The following CIRBP variants were observed in gnomAD, a reference collection of about 807,000 sequenced individuals.
CIRBP encodes the protein cold inducible RNA binding protein.
A neutral mutation model predicts 22.3 loss-of-function variants in CIRBP; 11 were observed. That is an observed-to-expected ratio of 0.49 (90% confidence interval 0.31 to 0.82). CIRBP has a LOEUF of 0.82. CIRBP is among the 40% of genes least tolerant of loss of function. The probability of loss-of-function intolerance (pLI) is 0.05; values close to 1 mark genes in which losing one functional copy is unlikely to be tolerated. For missense variants in CIRBP, 456 were observed against 402.7 expected (o/e 1.13, Z -1.13); for synonymous variants, 216 against 158.8 (o/e 1.36, Z -2.71).
chr19:1,272,285 A>T lies in CIRBP; in HGVS notation c.736A>T (p.Met246Leu), dbSNP rs776065124. 6.8e-6 allele frequency: 11 copies of T among 1,612,918 alleles called. No homozygotes were observed. Among genetic ancestry groups the T allele is most frequent in the African/African-American group, 1.3e-5 (1 of 74,942 alleles). Residue 246 changes from methionine to leucine, a missense_variant, in exon 6 of 6, where the codon ATG becomes TTG. By Grantham distance (15) the Met-to-Leu change is conservative. Transcript: ENST00000587896. The stretch of plus-strand genomic sequence containing the variant: ...GCCCGCTGGGCAGTCAGCTAGGTGC[A>T]TGTGTGGCCGCAGGCCAGCCTCCCT... ...RGPAGQSARC[M>L]CGRRPASLGC...
Position 1,272,317 on chromosome 19 carries a change from T to TG in CIRBP, c.774dup (p.Trp259ValfsTer65), listed in dbSNP as rs745659807. The TG allele has an allele frequency of 3.6e-5, 58 of 1,613,566 alleles. No individual in the cohort carries two copies. The highest frequency in any genetic ancestry group is 4.7e-5 in the Non-Finnish European group (55 of 1,179,912). On this transcript the variant is annotated frameshift_variant, in exon 6 of 6. Transcript: ENST00000587896. LOFTEE classifies it low-confidence loss of function (END_TRUNC). ...GCCGCAGGCCAGCCTCCCTCGGCTG[T>TG]GGGGGGTGGTTGCTCCCCGGCCGCA...
Position 1,274,486 on chromosome 19 carries a change from C to A in CIRBP, c.*2043C>A. ...TGGCATGTGGCGCTGAGCCCTGTCC[C>A]GGGCGGCACCTGGGCGTTTCAGTGA... On this transcript the variant is annotated 3_prime_UTR_variant, in exon 6 of 6. Coordinates refer to ENST00000587896, the MANE Select transcript of CIRBP (RefSeq NM_001300829.2). 1 of 392,158 alleles carries A rather than the reference C, an allele frequency of 2.5e-6. No homozygotes were observed. The highest frequency in any genetic ancestry group is 3.3e-4 in the Middle Eastern group (1 of 3,070). 24.3% of individuals were successfully genotyped at this position (392,158 alleles called of 1,614,324 possible).
chr19:1,270,066 C>A (rs368485627), intron 1 of CIRBP: 4 of 519,770 alleles, frequency 7.7e-6, no homozygotes, highest in South Asian at 4.2e-5. Context: ...GCACTGACCG[C>A]CCCCTTAAAT....
In CIRBP at chr19:1,273,269, G is replaced by C. The variant is rs553230465; in HGVS notation, c.*826G>C. On this transcript the variant is annotated 3_prime_UTR_variant, in exon 6 of 6. Coordinates refer to ENST00000587896, the MANE Select transcript of CIRBP (RefSeq NM_001300829.2). ...AGAGAGAGAAGGTGGAGAAGCAGCG[G>C]GTCTGCAAGCCTTCCCTGGGGCCTG... The C allele has an allele frequency of 1.3e-5, 2 of 152,430 alleles. No individual in the cohort carries two copies. The highest frequency in any genetic ancestry group is 4.8e-5 in the African/African-American group (2 of 41,566). The allele number at this position is 152,430 out of a possible 1,614,324, so 9.4% of individuals were successfully genotyped here.
At chr19:1,270,813 A>C in intron 1 of CIRBP, 115 bp from the exon 2 acceptor site, 2 of 796,316 alleles carry the variant, frequency 2.5e-6, no homozygotes. Context: ...GAAAAATAAA[A>C]ATCTGATTTT....
rs1450273932 is a variant in CIRBP, at chr19:1,274,332, G to A, written c.*1889G>A. 1 of 401,304 alleles carries A rather than the reference G, an allele frequency of 2.5e-6. No individual in the cohort carries two copies. The highest frequency in any genetic ancestry group is 4.4e-6 in the Non-Finnish European group (1 of 226,394). The allele number at this position is 401,304 out of a possible 1,614,324, so 24.9% of individuals were successfully genotyped here. A position where few individuals can be genotyped will look rare whatever the true frequency, so the allele number is the denominator to read the frequency against. ...GTTGAAGGGGCCCGGCCAGGACTCG[G>A]GGAAGGGTGGCCTGAGAGCAGCGAT... is the stretch of plus-strand genomic sequence containing the variant. On this transcript the variant is annotated 3_prime_UTR_variant, in exon 6 of 6. Coordinates refer to ENST00000587896, the MANE Select transcript of CIRBP (RefSeq NM_001300829.2).
rs758275192 is a variant in CIRBP, at chr19:1,272,615, C to T, written c.*172C>T. 4.9e-5 allele frequency: 29 copies of T among 594,678 alleles called. No homozygotes were observed. The highest frequency in any genetic ancestry group is 7.7e-5 in the Non-Finnish European group (26 of 337,764). The allele number at this position is 594,678 out of a possible 1,614,324, so 36.8% of individuals were successfully genotyped here. A position where few individuals can be genotyped will look rare whatever the true frequency, so the allele number is the denominator to read the frequency against. On this transcript the variant is annotated 3_prime_UTR_variant, in exon 6 of 6. Coordinates refer to ENST00000587896, the MANE Select transcript of CIRBP (RefSeq NM_001300829.2). ...TGACCGCTTCTGACGCCGGGATGGC[C>T]TCGTTACTAGACTTTTCTTTTTAAG... is the stretch of plus-strand genomic sequence containing the variant.
At chr19:1,270,756 G>GC in intron 1 of CIRBP, 172 bp from the exon 2 acceptor site, 1 of 602,336 alleles carries the variant, frequency 1.7e-6, no homozygotes, top group African/African-American at 1.9e-5. Flanking sequence ...TAGACACACT[G>GC]CCCCCGACCC....
intron 2 of CIRBP, 49 bp downstream of exon 2, chr19:1,271,085 C>T (rs1203678742): frequency 1.9e-6 from 3 of 1,610,846 alleles, no homozygotes; most frequent in Non-Finnish European, 2.5e-6. Flanking sequence ...GCTTGTGCTC[C>T]TCCTACCTGG....
At position 1,272,750 on chromosome 19, in the gene CIRBP, TTTTG is replaced by T. The variant is rs201257833; in HGVS notation, c.*311_*314del. The T allele has an allele frequency of 5.5e-3, 1,478 of 269,720 alleles. 23 individuals are homozygous for T. Among genetic ancestry groups the T allele is most frequent in the African/African-American group, 0.031 (1,381 of 45,202 alleles). The allele number at this position is 269,720 out of a possible 1,614,324, so 16.7% of individuals were successfully genotyped here. On this transcript the variant is annotated 3_prime_UTR_variant, in exon 6 of 6. Coordinates refer to ENST00000587896, the MANE Select transcript of CIRBP (RefSeq NM_001300829.2). ...ATCGGGGGTTGTGTGGGTTTTTGGT[TTTTG>T]TTTTAGTTTTTGGTTGCGTTGCCTT...
intron 1 of CIRBP, chr19:1,270,283 G>C (rs1473414838): frequency 2.7e-6 from 1 of 365,378 alleles, no homozygotes; most frequent in Non-Finnish European, 5.5e-6. Flanking sequence ...AGCACGTTCT[G>C]GTCCAGCAAC....
chr19:1,272,618 G>C lies in CIRBP; in HGVS notation c.*175G>C. On this transcript the variant is annotated 3_prime_UTR_variant, in exon 6 of 6. Coordinates refer to ENST00000587896, the MANE Select transcript of CIRBP (RefSeq NM_001300829.2). ...CCGCTTCTGACGCCGGGATGGCCTC[G>C]TTACTAGACTTTTCTTTTTAAGGAA... 1.9e-6 allele frequency: 1 copy of C among 527,062 alleles called. No individual in the cohort carries two copies. Among genetic ancestry groups the C allele is most frequent in the Non-Finnish European group, 3.4e-6 (1 of 295,958 alleles). The allele number at this position is 527,062 out of a possible 1,614,324, so 32.6% of individuals were successfully genotyped here. A position where few individuals can be genotyped will look rare whatever the true frequency, so the allele number is the denominator to read the frequency against.
In CIRBP at chr19:1,274,002, G is replaced by A. The variant is rs1157041286; in HGVS notation, c.*1559G>A. On this transcript the variant is annotated 3_prime_UTR_variant, in exon 6 of 6. Transcript: ENST00000587896. ...TTTTGGATTTTTTGCTCAATTGACC[G>A]TCTTTTCCAGACCTCTTTAAGTCAC... 4 of 268,054 alleles carry A rather than the reference G, an allele frequency of 1.5e-5. No homozygotes were observed. The highest frequency in any genetic ancestry group is 2.8e-5 in the Non-Finnish European group (4 of 143,570). 16.6% of individuals were successfully genotyped at this position (268,054 alleles called of 1,614,324 possible). A position where few individuals can be genotyped will look rare whatever the true frequency, so the allele number is the denominator to read the frequency against.
chr19:1,270,560 G>A (rs555058584), intron 1 of CIRBP, among the ~76,000 whole-genome samples: 1 of 152,290 alleles, frequency 6.6e-6, no homozygotes, highest in East Asian at 1.9e-4. Flanking sequence ...TTGAGCCCAG[G>A]AGTTTCAGAC....
rs370754154 is a variant in CIRBP at position 1,274,667 on chromosome 19, G to A, written c.*2224G>A. ...CTTCCAGGAGGCGCTTCGCCAGTGAGGTGCGGGCTCAGGGCCTCGAGTCTC... is the reference window on the plus strand; with the variant it reads ...CTTCCAGGAGGCGCTTCGCCAGTGAAGTGCGGGCTCAGGGCCTCGAGTCTC... On this transcript the variant is annotated 3_prime_UTR_variant, in exon 6 of 6. Transcript: ENST00000587896. The A allele has an allele frequency of 4.8e-5, 10 of 207,958 alleles. No homozygotes were observed. The highest frequency in any genetic ancestry group is 1.9e-4 in the East Asian group (2 of 10,284). The allele number at this position is 207,958 out of a possible 1,614,324, so 12.9% of individuals were successfully genotyped here. A position where few individuals can be genotyped will look rare whatever the true frequency, so the allele number is the denominator to read the frequency against.
intron 1 of CIRBP, chr19:1,269,992 A>T (rs920685269): frequency 1.9e-6 from 1 of 519,742 alleles, no homozygotes; most frequent in African/African-American, 1.9e-5. Context: ...CAGACTTCCA[A>T]GTCTAGTTCT....
chr19:1,272,318 G>C lies in CIRBP; in HGVS notation c.769G>C (p.Gly257Arg). Residue 257 changes from glycine to arginine, a missense_variant, in exon 6 of 6, where the codon GGG (glycine) becomes CGG (arginine). Gly to Arg is a moderately radical substitution (Grantham distance 125). Transcript: ENST00000587896. The part of the protein sequence containing the change: ...CGRRPASLGC[G>R]GWLLPGRRPR... ...CCGCAGGCCAGCCTCCCTCGGCTGT[G>C]GGGGGTGGTTGCTCCCCGGCCGCAG... is the stretch of plus-strand genomic sequence containing the variant. 3.1e-6 allele frequency: 5 copies of C among 1,613,630 alleles called. No individual in the cohort carries two copies. Among genetic ancestry groups the C allele is most frequent in the Non-Finnish European group, 4.2e-6 (5 of 1,179,884 alleles).
rs960610209 is a variant in CIRBP at position 1,271,048 on chromosome 19, G to A, written c.103+12G>A. On this transcript the variant is annotated intron_variant, in intron 2 of 5. Transcript: ENST00000587896. The stretch of plus-strand genomic sequence containing the variant: ...ACAGATCTCTGAAGGTGAGGCTGCT[G>A]CTGGGCCCGCGGCCCTGGGCGGGGG... The A allele has an allele frequency of 1.2e-6, 2 of 1,613,396 alleles. No homozygotes were observed. The highest frequency in any genetic ancestry group is 1.7e-5 in the Admixed American group (1 of 60,024).
In CIRBP at chr19:1,272,597, T is replaced by C. The variant is rs2081361762; in HGVS notation, c.*154T>C. 1.5e-6 allele frequency: 1 copy of C among 659,818 alleles called. No homozygotes were observed. The allele number at this position is 659,818 out of a possible 1,614,324, so 40.9% of individuals were successfully genotyped here. ...ATCTTGTCAAACCCAGCCTGACCGC[T>C]TCTGACGCCGGGATGGCCTCGTTAC... On this transcript the variant is annotated 3_prime_UTR_variant, in exon 6 of 6. Coordinates refer to ENST00000587896, the MANE Select transcript of CIRBP (RefSeq NM_001300829.2).
Sources: allele counts gnomAD v4.1 joint callset (sites outside exome capture counted in the v4.1 genomes callset), GRCh38; gene constraint gnomAD v4.1.1; transcripts MANE v1.5; gene names NCBI Gene and HGNC (gene_info 2026-07-23, HGNC 2026-07-21).